The following LAX1 variants were observed in gnomAD, a reference collection of about 807,000 sequenced individuals.
LAX1 encodes the protein lymphocyte transmembrane adapter 1.
In LAX1, 17 loss-of-function variants were observed where a neutral mutation model predicts 20.7. That is an observed-to-expected ratio of 0.82 (90% CI 0.56 to 1.23). The LOEUF is 1.23. Ranked by LOEUF, LAX1 falls within the 50% of genes most tolerant of loss-of-function variation. The probability of loss-of-function intolerance (pLI) is 0.00; values close to 1 mark genes in which losing one functional copy is unlikely to be tolerated. For missense variants in LAX1, 470 were observed against 487.0 expected, an observed-to-expected ratio of 0.97 and a Z score of 0.33; for synonymous variants, 165 against 181.0, an observed-to-expected ratio of 0.91 and a Z score of 0.71.
chr1:203,765,655 G>T lies in LAX1; in HGVS notation c.89+1G>T. ...ATGTGACTCCCCGCAGCCTGGACAG[G>T]TGAGTGACTCAGGGTGGTGAGCTCC... On this transcript the variant is annotated splice_donor_variant, in intron 1 of 4. Coordinates refer to ENST00000442561, the MANE Select transcript of LAX1 (RefSeq NM_017773.4). LOFTEE classifies it high-confidence loss of function. 6.2e-7 allele frequency: 1 copy of T among 1,613,976 alleles called. No individual in the cohort carries two copies. The highest frequency in any genetic ancestry group is 8.5e-7 in the Non-Finnish European group (1 of 1,179,960).
In LAX1 at chr1:203,773,942, G is replaced by A. The variant is rs1429930737; in HGVS notation, c.458G>A (p.Gly153Asp). 2.5e-6 allele frequency: 4 copies of A among 1,613,606 alleles called. No individual in the cohort carries two copies. The highest frequency in any genetic ancestry group is 3.4e-6 in the Non-Finnish European group (4 of 1,179,880). Residue 153 changes from glycine to aspartate, a missense_variant, in exon 5 of 5, where the codon GGT becomes GAT. Transcript: ENST00000442561. The stretch of plus-strand genomic sequence containing the variant: ...ATCCATGCCACAGAGTACGCGGTGG[G>A]TATCTATGACAACGCCATGGTCCCC... Reference protein sequence around the residue: ...AHIHATEYAVGIYDNAMVPQM... With the variant: ...AHIHATEYAVDIYDNAMVPQM...
chr1:203,772,585 G>T (rs185759646), intron 4 of LAX1, among the ~76,000 whole-genome samples: 1 of 152,002 alleles, frequency 6.6e-6, no homozygotes, highest in Non-Finnish European at 1.5e-5. Context: ...GCGCCACCAC[G>T]CCCAGCTAAT....
At chr1:203,770,502 GAAGGAAGGAAGAAAGA>G (rs1165802554) in intron 1 of LAX1, among the ~76,000 whole-genome samples, 24 of 31,000 alleles carry the variant, frequency 7.7e-4, no homozygotes, top group South Asian at 1.5e-3. Flanking sequence ...AGGAAGGAAG[GAAGGAAGGAAGAAAGA>G]AAGAAAGAAA....
Position 203,766,192 on chromosome 1 carries a change from G to A in LAX1, c.89+538G>A, listed in dbSNP as rs143857666. ...AGTTGAAACTTTAAAAACATTGGCA[G>A]CTGACTGGGCGCGGTGGCTCACACC... On this transcript the variant is annotated intron_variant, in intron 1 of 4. Transcript: ENST00000442561. Among the ~76,000 whole-genome samples, 40 of 152,256 alleles carry A rather than the reference G, an allele frequency of 2.6e-4. No homozygotes were observed. The East Asian group carries it at 7.3e-3, about 28-fold the overall frequency.
intron 1 of LAX1, among the ~76,000 whole-genome samples, chr1:203,766,202 C>T (rs1164207293): frequency 6.6e-6 from 1 of 152,140 alleles, no homozygotes; most frequent in Non-Finnish European, 1.5e-5. Flanking sequence ...GCTGACTGGG[C>T]GCGGTGGCTC....
Position 203,773,944 on chromosome 1 carries a change from A to T in LAX1, c.460A>T (p.Ile154Phe), listed in dbSNP as rs200676740. The T allele has an allele frequency of 6.2e-7, 1 of 1,613,876 alleles. No homozygotes were observed. The highest frequency in any genetic ancestry group is 8.5e-7 in the Non-Finnish European group (1 of 1,179,928). The part of the protein sequence containing the change: ...HIHATEYAVG[I>F]YDNAMVPQMC... ...CCATGCCACAGAGTACGCGGTGGGT[A>T]TCTATGACAACGCCATGGTCCCCCA... Residue 154 changes from isoleucine (I) to phenylalanine (F), a missense_variant, in exon 5 of 5, where the codon ATC (isoleucine) becomes TTC (phenylalanine). Ile to Phe is a conservative substitution (Grantham distance 21). Coordinates refer to ENST00000442561, the MANE Select transcript of LAX1 (RefSeq NM_017773.4).
In LAX1 at chr1:203,774,666, C is replaced by A; in HGVS notation, c.1182C>A (p.Leu394=). The change falls in exon 5 of 5, where the codon CTC becomes CTA. Residue 394 remains leucine, a synonymous_variant. Transcript: ENST00000442561. ...CTGAGCAGGGGCCTGGCACTCAGCTCCTTCCTGATGAATGAAGACCCAGGT... is the reference window on the plus strand; with the variant it reads ...CTGAGCAGGGGCCTGGCACTCAGCTACTTCCTGATGAATGAAGACCCAGGT... ...RDSEQGPGTQ[L]LPDE The A allele has an allele frequency of 6.2e-7, 1 of 1,613,712 alleles. No homozygotes were observed. The highest frequency in any genetic ancestry group is 8.5e-7 in the Non-Finnish European group (1 of 1,179,846).
chr1:203,772,198 C>A (rs3737974), intron 4 of LAX1, 51 bp downstream of exon 4: 4 of 1,398,026 alleles, frequency 2.9e-6, no homozygotes, highest in Non-Finnish European at 3.0e-6. Flanking sequence ...AGAAGAACTG[C>A]GGGGAAAGAG....
In LAX1 at chr1:203,774,537, C is replaced by CT; in HGVS notation, c.1053_1054insT (p.Thr352TyrfsTer4). On this transcript the variant is annotated frameshift_variant, in exon 5 of 5. Coordinates refer to ENST00000442561, the MANE Select transcript of LAX1 (RefSeq NM_017773.4). LOFTEE classifies it low-confidence loss of function (END_TRUNC). ...GGGATTATGCAGACTTTCAGCCATT[C>CT]ACACAGAGTGAGGACAGTCAGATGA... 6.2e-7 allele frequency: 1 copy of CT among 1,614,178 alleles called. No individual in the cohort carries two copies. The highest frequency in any genetic ancestry group is 2.2e-5 in the East Asian group (1 of 44,884).
At chr1:203,766,773 A>G (rs1667309979) in intron 1 of LAX1, among the ~76,000 whole-genome samples, 1 of 152,190 alleles carries the variant, frequency 6.6e-6, no homozygotes, top group African/African-American at 2.4e-5. Flanking sequence ...GAATACTTAA[A>G]ATTTCTCAGC....
At position 203,774,437 on chromosome 1, in the gene LAX1, T is replaced by C. The variant is rs1166859226; in HGVS notation, c.953T>C (p.Ile318Thr). 3 of 1,614,160 alleles carry C rather than the reference T, an allele frequency of 1.9e-6. No individual in the cohort carries two copies. The highest frequency in any genetic ancestry group is 1.1e-5 in the South Asian group (1 of 91,084). ...GAGAAAGATGTGCCATCCTCAAACA[T>C]AGGTCATGTCGAGGACAAGACAGAT... ...QAEKDVPSSNIGHVEDKTDDP... is the reference protein window; with the variant it reads ...QAEKDVPSSNTGHVEDKTDDP... The change falls in exon 5 of 5, where the codon ATA (isoleucine) becomes ACA (threonine). Residue 318 changes from isoleucine to threonine, a missense_variant. Physicochemically the swap from Ile to Thr is moderately conservative, Grantham distance 89 (BLOSUM62 -1). Coordinates refer to ENST00000442561, the MANE Select transcript of LAX1 (RefSeq NM_017773.4).
chr1:203,772,716 G>A lies in LAX1; in HGVS notation c.390+569G>A, dbSNP rs577317373. 1.1e-3 allele frequency among the ~76,000 whole-genome samples: 150 copies of A among 141,090 alleles called. 1 individual carries two copies. The highest frequency in any genetic ancestry group is 3.8e-3 in the African/African-American group (143 of 37,728). 92.6% of individuals were successfully genotyped at this position (141,090 alleles called of 152,430 possible). ...GCTGAGATTACAGGCATGAGCCACC[G>A]TGCCCAGCATTTTTTTTTTTTCTTT... On this transcript the variant is annotated intron_variant, in intron 4 of 4. Coordinates refer to ENST00000442561, the MANE Select transcript of LAX1 (RefSeq NM_017773.4).
rs41264261 is a variant in LAX1, at chr1:203,774,670, C to T, written c.1186C>T (p.Pro396Ser). ...GCAGGGGCCTGGCACTCAGCTCCTT[C>T]CTGATGAATGAAGACCCAGGTACCC... ...SEQGPGTQLL[P>S]DE The change falls in exon 5 of 5, where the codon CCT (proline) becomes TCT (serine). Residue 396 changes from proline (P) to serine (S), a missense_variant. Pro to Ser is a moderately conservative substitution (Grantham distance 74). Transcript: ENST00000442561. 0.032 allele frequency: 51,700 copies of T among 1,613,278 alleles called. 983 individuals carry two copies. Among genetic ancestry groups the T allele is most frequent in the Non-Finnish European group, 0.039 (45,557 of 1,179,590 alleles).
intron 3 of LAX1, 43 bp downstream of exon 3, chr1:203,771,520 T>G: frequency 8.5e-7 from 1 of 1,182,904 alleles, no homozygotes; most frequent in Non-Finnish European, 1.3e-6. Flanking sequence ...ATATTCGAAC[T>G]TCTACTCCCA....
chr1:203,772,506 C>T (rs6703246), intron 4 of LAX1, among the ~76,000 whole-genome samples: 46,564 of 151,986 alleles, frequency 0.31, 7,251 homozygotes, highest in South Asian at 0.36. Context: ...CGGCTCACTG[C>T]AACTTCTGCT....
chr1:203,770,704 C>A, intron 1 of LAX1, 124 bp from the exon 2 acceptor site: 1 of 733,884 alleles, frequency 1.4e-6, no homozygotes, highest in Admixed American at 2.2e-5. Flanking sequence ...CACCACACCC[C>A]ACCTGGGCTT....
chr1:203,766,035 T>G (rs1667298370), intron 1 of LAX1, among the ~76,000 whole-genome samples: 1 of 152,160 alleles, frequency 6.6e-6, no homozygotes, highest in African/African-American at 2.4e-5. Flanking sequence ...AAACTTGTCA[T>G]GAATAAAAAA....
At chr1:203,772,201 G>T in intron 4 of LAX1, 54 bp downstream of exon 4, 2 of 1,373,554 alleles carry the variant, frequency 1.5e-6, no homozygotes, top group Non-Finnish European at 2.1e-6. Context: ...AGAACTGCGG[G>T]GAAAGAGTTA....
intron 1 of LAX1, 85 bp downstream of exon 1, chr1:203,765,739 A>T (rs150320868): frequency 2.4e-6 from 3 of 1,266,252 alleles, no homozygotes; most frequent in Non-Finnish European, 2.3e-6. Flanking sequence ...CTTACACAGC[A>T]GTGCTGCCAC....
Sources: allele counts gnomAD v4.1 joint callset (sites outside exome capture counted in the v4.1 genomes callset), GRCh38; gene constraint gnomAD v4.1.1; transcripts MANE v1.5; gene names NCBI Gene and HGNC (gene_info 2026-07-23, HGNC 2026-07-21).